Variants in SAMMSON observed in about 807,000 individuals in gnomAD.
SAMMSON encodes long intergenic non-protein coding RNA 1212.
intron 2 of SAMMSON, among the ~76,000 whole-genome samples, chr3:70,430,827 A>G (rs763690036): frequency 6.6e-6 from 1 of 152,170 alleles, no homozygotes; most frequent in African/African-American, 2.4e-5. Flanking sequence ...TTGTGCCTCA[A>G]TTGCAATATA....
At chr3:70,013,068 A>G (rs1421524094) in intron 2 of SAMMSON, among the ~76,000 whole-genome samples, 1 of 152,150 alleles carries the variant, frequency 6.6e-6, no homozygotes, top group East Asian at 1.9e-4. Context: ...TGGTTTTCCT[A>G]TTTTTGAGAA....
At chr3:70,291,473 G>C (rs1702239193) in intron 7 of SAMMSON, among the ~76,000 whole-genome samples, 1 of 152,128 alleles carries the variant, frequency 6.6e-6, no homozygotes, top group Non-Finnish European at 1.5e-5. Flanking sequence ...CTTGTCTATA[G>C]CTCTGTTCTT....
intron 4 of SAMMSON, among the ~76,000 whole-genome samples, chr3:70,100,527 G>GAAAAAAAA (rs2067340156): frequency 2.3e-3 from 1 of 426 alleles, no homozygotes; most frequent in African/African-American, 3.2e-3. Context: ...GGGGGGGGGG[G>GAAAAAAAA]GGGGGGAAGC....
At chr3:70,206,759 A>G (rs1701295098) in intron 4 of SAMMSON, 1 of 397,686 alleles carries the variant, frequency 2.5e-6, no homozygotes, top group Admixed American at 4.4e-5. Flanking sequence ...TGGGTTTCTC[A>G]TCTGCATGCT....
intron 4 of SAMMSON, among the ~76,000 whole-genome samples, chr3:70,208,118 A>G (rs1215800842): frequency 6.6e-6 from 1 of 152,086 alleles, no homozygotes; most frequent in East Asian, 1.9e-4. Context: ...GTTAGCTTAT[A>G]ACTTCCTTAC....
chr3:70,118,852 T>C (rs902571320), intron 4 of SAMMSON, among the ~76,000 whole-genome samples: 2 of 152,208 alleles, frequency 1.3e-5, no homozygotes, highest in Non-Finnish European at 2.9e-5. Context: ...TTAAGTGATA[T>C]AGCTAAGATG....
At chr3:70,202,079 GATAGTGGTTAGTGACTAGTGTTCTA>G (rs1245255523) in intron 4 of SAMMSON, among the ~76,000 whole-genome samples, 5 of 152,176 alleles carry the variant, frequency 3.3e-5, no homozygotes, top group African/African-American at 4.8e-5. Flanking sequence ...TGGTCTATCT[GATAGTGGTTAGTGACTAGTGTTCTA>G]ATAGTGGTTA....
chr3:70,280,726 C>A lies in SAMMSON; in HGVS notation n.675-10453C>A, dbSNP rs138245434. ...CAAAGCCAGCCATAAAACCTAAAAACATTACTCTTAGTTTCCCCCGCCTTT... is the reference window on the plus strand; with the variant it reads ...CAAAGCCAGCCATAAAACCTAAAAAAATTACTCTTAGTTTCCCCCGCCTTT... On this transcript the variant is annotated intron_variant and non_coding_transcript_variant, in intron 6 of 9. Transcript: ENST00000642114. Among the ~76,000 whole-genome samples, 190 of 152,274 alleles carry A rather than the reference C, an allele frequency of 1.2e-3. 1 individual carries two copies. The highest frequency in any genetic ancestry group is 4.4e-3 in the African/African-American group (184 of 41,566).
intron 9 of SAMMSON, among the ~76,000 whole-genome samples, chr3:70,388,727 G>A (rs1014320740): frequency 2.0e-5 from 3 of 152,268 alleles, no homozygotes; most frequent in South Asian, 2.1e-4. Context: ...TTAGTTGGGG[G>A]ACAGCTACCT....
At chr3:70,280,963 G>A (rs939724778) in intron 6 of SAMMSON, among the ~76,000 whole-genome samples, 2 of 152,062 alleles carry the variant, frequency 1.3e-5, no homozygotes, top group African/African-American at 2.4e-5. Flanking sequence ...TTGTGTGATC[G>A]TATTTCTACA....
At chr3:70,218,010 G>T (rs1042308125) in intron 4 of SAMMSON, among the ~76,000 whole-genome samples, 4 of 152,150 alleles carry the variant, frequency 2.6e-5, no homozygotes, top group African/African-American at 9.7e-5. Flanking sequence ...CAGGAGCGAG[G>T]GAACAGAGGA....
intron 9 of SAMMSON, among the ~76,000 whole-genome samples, chr3:70,372,234 A>T (rs920049540): frequency 6.6e-6 from 1 of 151,934 alleles, no homozygotes; most frequent in African/African-American, 2.4e-5. Context: ...TGATTCCATA[A>T]TTTTTATTCC....
At chr3:70,272,778 C>T (rs1037834716) in intron 6 of SAMMSON, among the ~76,000 whole-genome samples, 1 of 152,146 alleles carries the variant, frequency 6.6e-6, no homozygotes, top group Non-Finnish European at 1.5e-5. Context: ...TTCTTTCCTC[C>T]ATTGGAAAGC....
chr3:70,342,242 A>G (rs1702716894), intron 7 of SAMMSON, among the ~76,000 whole-genome samples: 1 of 152,176 alleles, frequency 6.6e-6, no homozygotes, highest in Non-Finnish European at 1.5e-5. Flanking sequence ...TTTCTTTGCA[A>G]AAACTGAGGA....
At chr3:70,137,548 A>G (rs527302559) in intron 4 of SAMMSON, 1 of 152,304 alleles carries the variant, frequency 6.6e-6, no homozygotes, top group South Asian at 2.1e-4. Context: ...AGTAGTTGCA[A>G]CAGGAATATT....
chr3:70,408,519 A>C (rs1197021222), intron 2 of SAMMSON, among the ~76,000 whole-genome samples: 1 of 152,188 alleles, frequency 6.6e-6, no homozygotes, highest in Non-Finnish European at 1.5e-5. Context: ...TCTCTAGGGC[A>C]GGGGCAAAAT....
intron 4 of SAMMSON, among the ~76,000 whole-genome samples, chr3:70,184,579 A>C (rs144901648): frequency 1.8e-4 from 28 of 152,282 alleles, no homozygotes; most frequent in African/African-American, 6.5e-4. Flanking sequence ...TTGGTTTCTT[A>C]TATGTTTGTT....
intron 7 of SAMMSON, among the ~76,000 whole-genome samples, chr3:70,301,010 T>C (rs1369162105): frequency 6.6e-6 from 1 of 152,128 alleles, no homozygotes; most frequent in Non-Finnish European, 1.5e-5. Context: ...AGTGAACTCC[T>C]TATTATCCAT....
In SAMMSON at chr3:70,132,376, C is replaced by T. The variant is rs143113320; in HGVS notation, n.507+60811C>T. On this transcript the variant is annotated intron_variant and non_coding_transcript_variant, in intron 4 of 9. Transcript: ENST00000642114. ...TGTAATACATTTAAATGTTAAGTCT[C>T]CACCCCAAAGTGAACATGAGGTACA... Among the ~76,000 whole-genome samples the T allele has an allele frequency of 7.8e-3, 1,189 of 152,250 alleles. 6 individuals are homozygous for T. Among genetic ancestry groups the T allele is most frequent in the Non-Finnish European group, 0.012 (843 of 68,024 alleles).
Sources: gnomAD v4.1 joint callset for allele counts (sites outside exome capture counted in the v4.1 genomes callset) on GRCh38, gnomAD v4.1.1 for gene constraint, MANE v1.5 for transcripts, NCBI Gene and HGNC (gene_info 2026-07-23, HGNC 2026-07-21) for gene names.